Variants in POPDC1 observed in about 807,000 individuals in gnomAD.
POPDC1 encodes popeye domain cAMP effector 1.
chr6:105,102,481 A>G, the POPDC1 span, among the ~76,000 whole-genome samples: 1 of 152,198 alleles, frequency 6.6e-6, no homozygotes, highest in Non-Finnish European at 1.5e-5. Flanking sequence ...CTCAGCCATG[A>G]ACGAGTGGTC....
At chr6:105,102,862 T>C in the POPDC1 span, among the ~76,000 whole-genome samples, 1 of 152,244 alleles carries the variant, frequency 6.6e-6, no homozygotes, top group Non-Finnish European at 1.5e-5. Flanking sequence ...GTACAGCTAA[T>C]GTATACTCGC....
chr6:105,117,151 G>A, the POPDC1 span, among the ~76,000 whole-genome samples: 1 of 152,096 alleles, frequency 6.6e-6, no homozygotes, highest in African/African-American at 2.4e-5. Context: ...TATTGATACC[G>A]CTGCTGGAGC....
the POPDC1 span, among the ~76,000 whole-genome samples, chr6:105,118,606 TAAAG>T: frequency 3.9e-5 from 6 of 152,088 alleles, no homozygotes; most frequent in Non-Finnish European, 5.9e-5. Context: ...TGATAATTAA[TAAAG>T]AAATATGACA....
the POPDC1 span, among the ~76,000 whole-genome samples, chr6:105,131,112 C>G: frequency 1.3e-5 from 2 of 152,268 alleles, no homozygotes; most frequent in African/African-American, 4.8e-5. Flanking sequence ...ATAAAACTAT[C>G]ATGAAGATAT....
At chr6:105,098,192 T>C in the POPDC1 span, 1 of 152,224 alleles carries the variant, frequency 6.6e-6, no homozygotes, top group Admixed American at 6.5e-5. Context: ...TATGTATTTA[T>C]GCATTATACA....
the POPDC1 span, chr6:105,125,690 T>C: frequency 5.8e-5 from 59 of 1,019,414 alleles, 1 homozygote; most frequent in Admixed American, 1.4e-4. Context: ...ATATATACCA[T>C]CACCCTTCTG....
At chr6:105,133,283 C>G in the POPDC1 span, 1 of 1,297,744 alleles carries the variant, frequency 7.7e-7, no homozygotes, top group Non-Finnish European at 1.1e-6. Flanking sequence ...TACTCTGAAG[C>G]TCTCAATGTA....
At chr6:105,133,504 A>G in the POPDC1 span, 187 of 1,613,796 alleles carry the variant, frequency 1.2e-4, 1 homozygote, top group Non-Finnish European at 1.4e-4. Context: ...AGGCACAGGT[A>G]TGATACTTTC....
At chr6:105,113,817 A>AG in the POPDC1 span, among the ~76,000 whole-genome samples, 1 of 47,682 alleles carries the variant, frequency 2.1e-5, no homozygotes, top group Admixed American at 3.4e-4. Flanking sequence ...GATGCCTGGC[A>AG]TTTTTTTTTT....
At chr6:105,119,184 C>CAAA in the POPDC1 span, among the ~76,000 whole-genome samples, 55 of 111,192 alleles carry the variant, frequency 4.9e-4, 1 homozygote, top group East Asian at 2.8e-3. Context: ...GACTCCCTCT[C>CAAA]AAAAAAAAAA....
At chr6:105,126,156 G>T in the POPDC1 span, among the ~76,000 whole-genome samples, 2 of 151,714 alleles carry the variant, frequency 1.3e-5, no homozygotes, top group African/African-American at 4.8e-5. Flanking sequence ...AACCCGGGAG[G>T]TGGAGGTTGC....
chr6:105,129,286 A>C, the POPDC1 span: 2 of 1,114,336 alleles, frequency 1.8e-6, no homozygotes, highest in Non-Finnish European at 2.5e-6. Flanking sequence ...AAGTGACTAA[A>C]TATGCTAGAT....
the POPDC1 span, among the ~76,000 whole-genome samples, chr6:105,127,564 C>T: frequency 6.6e-6 from 1 of 151,938 alleles, no homozygotes; most frequent in Non-Finnish European, 1.5e-5. Flanking sequence ...GTGATCCTCC[C>T]GAGAAGCTGG....
chr6:105,129,607 G>A, the POPDC1 span: 2 of 1,175,490 alleles, frequency 1.7e-6, no homozygotes, highest in Non-Finnish European at 2.3e-6. Flanking sequence ...TCCCTTTTCT[G>A]AAGGTGATAC....
the POPDC1 span, among the ~76,000 whole-genome samples, chr6:105,106,051 G>C: frequency 2.9e-4 from 44 of 152,210 alleles, no homozygotes; most frequent in African/African-American, 1.0e-3. Flanking sequence ...ACTCCATCCT[G>C]TTGTATTTAT....
At chr6:105,128,821 C>G in the POPDC1 span, among the ~76,000 whole-genome samples, 1 of 151,982 alleles carries the variant, frequency 6.6e-6, no homozygotes, top group Non-Finnish European at 1.5e-5. Flanking sequence ...TTTCTAGGAC[C>G]CCTGCTGTTT....
chr6:105,107,717 C>G, the POPDC1 span, among the ~76,000 whole-genome samples: 1 of 152,138 alleles, frequency 6.6e-6, no homozygotes, highest in Non-Finnish European at 1.5e-5. Context: ...TGGCCAACTG[C>G]TTTAGCAAGT....
At chr6:105,116,111 T>C in the POPDC1 span, among the ~76,000 whole-genome samples, 3 of 152,198 alleles carry the variant, frequency 2.0e-5, no homozygotes, top group African/African-American at 7.2e-5. Context: ...GATAAGATGA[T>C]TTTGAAAGGG....
the POPDC1 span, chr6:105,124,497 A>T: frequency 7.7e-7 from 1 of 1,299,968 alleles, no homozygotes; most frequent in Non-Finnish European, 1.1e-6. Flanking sequence ...TGGATTCTGA[A>T]TGAGATGCAA....
Sources: allele counts gnomAD v4.1 joint callset (sites outside exome capture counted in the v4.1 genomes callset), GRCh38; gene constraint gnomAD v4.1.1; transcripts MANE v1.5; gene names NCBI Gene and HGNC (gene_info 2026-07-23, HGNC 2026-07-21).